ARHGEF3: variants seen among roughly 807,000 people sequenced by gnomAD.
The protein encoded by ARHGEF3 is Rho guanine nucleotide exchange factor 3, also known as 59.8 kDA protein.
Under a neutral mutation model 63.2 loss-of-function variants are expected in ARHGEF3, and 28 were observed. The observed-to-expected ratio is 0.44, with a 90% CI of 0.33 to 0.61. The LOEUF (loss-of-function observed/expected upper bound fraction) is 0.61. ARHGEF3 is among the 20% of genes least tolerant of loss of function. ARHGEF3 has a pLI of 0.03. For missense variants in ARHGEF3, 533 were observed against 659.3 expected, an observed-to-expected ratio of 0.81 and a Z score of 2.10; for synonymous variants, 266 against 254.2, an observed-to-expected ratio of 1.05 and a Z score of -0.44.
chr3:56,822,416 T>C (rs1164737309), intron 4 of ARHGEF3, among the ~76,000 whole-genome samples: 1 of 152,104 alleles, frequency 6.6e-6, no homozygotes, highest in Non-Finnish European at 1.5e-5. Context: ...GAACACTGCA[T>C]AAACAAGTAT....
At chr3:56,926,670 G>A (rs932096460) in intron 3 of ARHGEF3, among the ~76,000 whole-genome samples, 8 of 152,130 alleles carry the variant, frequency 5.3e-5, no homozygotes, top group African/African-American at 1.9e-4. Flanking sequence ...CTCTCACATG[G>A]ATAATTTATG....
intron 2 of ARHGEF3, among the ~76,000 whole-genome samples, chr3:57,003,127 C>T (rs1025683855): frequency 3.3e-5 from 5 of 150,980 alleles, no homozygotes; most frequent in Non-Finnish European, 4.4e-5. Flanking sequence ...AATTAAAGGC[C>T]GGGCGCAGTG....
At chr3:57,002,487 A>ATGT (rs1702265075) in intron 2 of ARHGEF3, among the ~76,000 whole-genome samples, 1 of 49,990 alleles carries the variant, frequency 2.0e-5, no homozygotes, top group Non-Finnish European at 3.8e-5. Context: ...TGTTATATAT[A>ATGT]TATATATATG....
At chr3:57,059,393 A>C (rs1396370706) in intron 1 of ARHGEF3, among the ~76,000 whole-genome samples, 2 of 151,616 alleles carry the variant, frequency 1.3e-5, no homozygotes, top group East Asian at 3.9e-4. Flanking sequence ...TAAAAAAAAA[A>C]CTCATAATGT....
chr3:57,072,477 A>G (rs1705964884), intron 1 of ARHGEF3, among the ~76,000 whole-genome samples: 1 of 151,812 alleles, frequency 6.6e-6, no homozygotes, highest in African/African-American at 2.4e-5. Context: ...GCGGTGGCTC[A>G]TGTCCGTAAT....
chr3:56,920,071 T>C (rs1359217889), intron 3 of ARHGEF3, among the ~76,000 whole-genome samples: 1 of 152,190 alleles, frequency 6.6e-6, no homozygotes, highest in Non-Finnish European at 1.5e-5. Flanking sequence ...AAAGCCCTTC[T>C]TCATACTCAT....
Position 56,755,060 on chromosome 3 carries a change from C to T in ARHGEF3, c.296G>A (p.Arg99Lys). Reference protein sequence around the residue: ...RNAAPSSTKRRDSKLWSETFD... With the variant: ...RNAAPSSTKRKDSKLWSETFD... ...GGTCTCACTCCACAGCTTGCTATCTCTCCGTTTCGTGCTCGAGGGGGCGGC... is the reference window on the plus strand; with the variant it reads ...GGTCTCACTCCACAGCTTGCTATCTTTCCGTTTCGTGCTCGAGGGGGCGGC... Residue 99 changes from arginine to lysine, a missense_variant, in exon 3 of 10, where the codon AGA becomes AAA. By Grantham distance (26) the Arg-to-Lys change is conservative. Transcript: ENST00000296315. 6.2e-7 allele frequency: 1 copy of T among 1,614,176 alleles called. No individual in the cohort carries two copies. Among genetic ancestry groups the T allele is most frequent in the Non-Finnish European group, 8.5e-7 (1 of 1,180,032 alleles).
chr3:56,731,672 T>C (rs1283160239), intron 9 of ARHGEF3: 2 of 145,628 alleles, frequency 1.4e-5, no homozygotes, highest in Non-Finnish European at 2.9e-5. Context: ...GCAAGCTCCA[T>C]AGGGGAAGGA....
At chr3:56,933,411 A>C (rs1231944014) in intron 3 of ARHGEF3, among the ~76,000 whole-genome samples, 52 of 107,986 alleles carry the variant, frequency 4.8e-4, no homozygotes, top group African/African-American at 1.7e-3. Flanking sequence ...TTTTTTTTTT[A>C]CTTTTTTTTA....
rs143640782 is a variant in ARHGEF3, at chr3:56,730,792, G to T, written c.1229-1170C>A. Reference sequence around the variant, plus strand: ...TCAGTCCCTTTGCACTAACCCTGCAGCCAGTAGACTGGGAACCACCACCAC... The same window carrying T: ...TCAGTCCCTTTGCACTAACCCTGCATCCAGTAGACTGGGAACCACCACCAC... On this transcript the variant is annotated intron_variant, in intron 9 of 9. Transcript: ENST00000296315. Among the ~76,000 whole-genome samples, 144 of 152,342 alleles carry T rather than the reference G, an allele frequency of 9.5e-4. 3 individuals carry two copies. In the East Asian group the frequency reaches 0.027, roughly 28 times the overall value.
chr3:57,050,695 C>T (rs1704634654), intron 1 of ARHGEF3, among the ~76,000 whole-genome samples: 1 of 152,154 alleles, frequency 6.6e-6, no homozygotes, highest in African/African-American at 2.4e-5. Flanking sequence ...AGCCCCAGGG[C>T]CATGAATAGC....
At chr3:56,789,020 A>ATGC (rs34620976) in intron 1 of ARHGEF3, among the ~76,000 whole-genome samples, 19,048 of 149,144 alleles carry the variant, frequency 0.13, 1,236 homozygotes, top group Non-Finnish European at 0.14. Flanking sequence ...TTCAAGATAG[A>ATGC]TGCTGCTGCT....
intron 2 of ARHGEF3, among the ~76,000 whole-genome samples, chr3:56,968,130 T>C (rs1700691256): frequency 4.8e-5 from 2 of 41,566 alleles, no homozygotes; most frequent in Admixed American, 5.2e-4. Context: ...ATAAAACATA[T>C]ATTTTTATAT....
chr3:57,021,751 C>T (rs1343760994), intron 2 of ARHGEF3, among the ~76,000 whole-genome samples: 1 of 108,574 alleles, frequency 9.2e-6, no homozygotes, highest in Non-Finnish European at 1.9e-5. Flanking sequence ...GACGCCATCT[C>T]AAAAAAAAAA....
intron 1 of ARHGEF3, among the ~76,000 whole-genome samples, chr3:56,793,007 T>A (rs1002870530): frequency 3.3e-5 from 5 of 151,618 alleles, no homozygotes; most frequent in Admixed American, 6.6e-5. Context: ...TTTTTTTTTT[T>A]ATTTTTATTT....
intron 1 of ARHGEF3, chr3:57,073,778 A>G: frequency 1.2e-6 from 2 of 1,614,040 alleles, no homozygotes; most frequent in Non-Finnish European, 1.7e-6. Context: ...ACTCTTCCAG[A>G]CTCGTTCCAT....
intron 3 of ARHGEF3, among the ~76,000 whole-genome samples, chr3:56,954,859 A>C (rs1275582354): frequency 1.3e-5 from 2 of 152,166 alleles, no homozygotes; most frequent in Non-Finnish European, 2.9e-5. Flanking sequence ...GAAAAACACA[A>C]ATGCAACTCC....
intron 3 of ARHGEF3, among the ~76,000 whole-genome samples, chr3:56,947,774 A>G (rs147626177): frequency 1.3e-5 from 2 of 152,050 alleles, no homozygotes; most frequent in African/African-American, 4.8e-5. Context: ...TGCACCAAGC[A>G]GACCTAACAG....
chr3:56,908,568 G>A (rs955406962), intron 3 of ARHGEF3, among the ~76,000 whole-genome samples: 28 of 152,194 alleles, frequency 1.8e-4, no homozygotes, highest in African/African-American at 2.9e-4. Context: ...CTTCAGATAC[G>A]AGGGACAAGA....
Sources: gnomAD v4.1 joint callset for allele counts (sites outside exome capture counted in the v4.1 genomes callset) on GRCh38, gnomAD v4.1.1 for gene constraint, MANE v1.5 for transcripts, NCBI Gene and HGNC (gene_info 2026-07-23, HGNC 2026-07-21) for gene names.